The following STXBP5 variants were observed in gnomAD, a reference collection of about 807,000 sequenced individuals.
STXBP5 encodes syntaxin-binding protein 5.
Under a neutral mutation model 152.4 loss-of-function variants are expected in STXBP5, and 50 were observed. The ratio of observed to expected loss-of-function variants is 0.33; its 90% CI spans 0.26 to 0.42. The LOEUF is 0.42. Among genes scored for constraint, STXBP5 ranks in the 10% least tolerant of loss-of-function variants. STXBP5 has a pLI of 1.00. For synonymous variants in STXBP5, 492 were observed against 494.7 expected (o/e 0.99, Z 0.07); for missense variants, 1,167 against 1,388.6 (o/e 0.84, Z 2.54).
chr6:147,289,614 G>C (rs1009415188), intron 8 of STXBP5, among the ~76,000 whole-genome samples: 1 of 151,962 alleles, frequency 6.6e-6, no homozygotes, highest in Non-Finnish European at 1.5e-5. Flanking sequence ...CAAGGAAGAT[G>C]ACGTAGAAGC....
intron 2 of STXBP5, among the ~76,000 whole-genome samples, chr6:147,224,919 G>T (rs1267604366): frequency 1.3e-5 from 2 of 152,010 alleles, no homozygotes; most frequent in Admixed American, 6.6e-5. Flanking sequence ...TCACATTATG[G>T]TTAAATCTCT....
Position 147,238,151 on chromosome 6 carries a change from A to G in STXBP5, c.331-1019A>G, listed in dbSNP as rs531648732. 2.0e-5 allele frequency among the ~76,000 whole-genome samples: 3 copies of G among 152,320 alleles called. No homozygotes were observed. The South Asian group carries it at 6.2e-4, about 32-fold the overall frequency. On this transcript the variant is annotated intron_variant, in intron 3 of 27. Transcript: ENST00000321680. ...CTGAGTCTGGGTAATTTATAAAGAA[A>G]GAAATTTATTTAACTTTTGATTCTG...
At chr6:147,318,075 C>T (rs1320410228) in intron 16 of STXBP5, among the ~76,000 whole-genome samples, 2 of 152,140 alleles carry the variant, frequency 1.3e-5, no homozygotes, top group Non-Finnish European at 2.9e-5. Context: ...TTAATTTGTA[C>T]TTCATAATTT....
At chr6:147,252,444 A>C (rs1402753442) in intron 4 of STXBP5, among the ~76,000 whole-genome samples, 1 of 152,038 alleles carries the variant, frequency 6.6e-6, no homozygotes, top group Non-Finnish European at 1.5e-5. Flanking sequence ...CACAAGTATC[A>C]GTAGCCAAAT....
intron 8 of STXBP5, among the ~76,000 whole-genome samples, chr6:147,282,367 A>T (rs1412213782): frequency 6.6e-6 from 1 of 152,214 alleles, no homozygotes; most frequent in Non-Finnish European, 1.5e-5. Flanking sequence ...TCTCACTTTT[A>T]TGAGTCTCAA....
intron 27 of STXBP5, 147 bp downstream of exon 27, chr6:147,383,145 G>A (rs1305745447): frequency 1.1e-6 from 1 of 888,810 alleles, no homozygotes; most frequent in Non-Finnish European, 1.7e-6. Flanking sequence ...TTTGCCACCA[G>A]AGGGAACCAT....
At chr6:147,218,352 T>A (rs1777283243) in intron 2 of STXBP5, among the ~76,000 whole-genome samples, 1 of 125,098 alleles carries the variant, frequency 8.0e-6, no homozygotes, top group Non-Finnish European at 1.8e-5. Context: ...TTGTACATAT[T>A]TGTTAGATTT....
intron 2 of STXBP5, among the ~76,000 whole-genome samples, chr6:147,228,560 T>A (rs1346084412): frequency 6.6e-6 from 1 of 152,130 alleles, no homozygotes; most frequent in African/African-American, 2.4e-5. Context: ...ATTATTTCTT[T>A]GATACTTTCT....
intron 8 of STXBP5, among the ~76,000 whole-genome samples, chr6:147,282,875 G>C (rs1780767267): frequency 6.6e-6 from 1 of 152,098 alleles, no homozygotes; most frequent in African/African-American, 2.4e-5. Context: ...GTTTCCTAAG[G>C]AAATGGAGGT....
chr6:147,339,188 C>T lies in STXBP5; in HGVS notation c.2156C>T (p.Ser719Leu). ...RCKSPTSGSS[S>L]PHNSDDEQKM... ...GTCTTCATTTGTGTAGGTTCTTCATCACCACACAATTCAGATGATGAACAA... is the reference window on the plus strand; with the variant it reads ...GTCTTCATTTGTGTAGGTTCTTCATTACCACACAATTCAGATGATGAACAA... The change falls in exon 20 of 28, where the codon TCA becomes TTA. Residue 719 changes from serine (S) to leucine (L), a missense_variant. Ser to Leu is a moderately radical substitution (Grantham distance 145, BLOSUM62 -2). Coordinates refer to ENST00000321680, the MANE Select transcript of STXBP5 (RefSeq NM_001127715.4). The T allele has an allele frequency of 1.3e-6, 2 of 1,540,738 alleles. No individual in the cohort carries two copies. The highest frequency in any genetic ancestry group is 1.7e-6 in the Non-Finnish European group (2 of 1,143,294).
rs904136428 is a variant in STXBP5 at position 147,387,142 on chromosome 6, A to G, written c.*2387A>G. ...GAAAGCTTAAAGTATGTTTGAGTGT[A>G]GGAAATAAGCTTCTCAGAGTTATAC... On this transcript the variant is annotated 3_prime_UTR_variant, in exon 28 of 28. Coordinates refer to ENST00000321680, the MANE Select transcript of STXBP5 (RefSeq NM_001127715.4). The G allele has an allele frequency of 2.0e-5, 3 of 151,722 alleles. No homozygotes were observed. The highest frequency in any genetic ancestry group is 4.8e-5 in the African/African-American group (2 of 41,398). The allele number at this position is 151,722 out of a possible 1,614,324, so 9.4% of individuals were successfully genotyped here.
chr6:147,346,124 A>G (rs1027202681), intron 21 of STXBP5, among the ~76,000 whole-genome samples: 11 of 152,212 alleles, frequency 7.2e-5, no homozygotes, highest in Admixed American at 7.2e-4. Flanking sequence ...TTCAGTTTGA[A>G]GGTCACAATA....
At chr6:147,251,456 G>A (rs1268568353) in intron 4 of STXBP5, among the ~76,000 whole-genome samples, 1 of 152,112 alleles carries the variant, frequency 6.6e-6, no homozygotes, top group Non-Finnish European at 1.5e-5. Flanking sequence ...TCACTCCCCT[G>A]GAAAGGGGGC....
At chr6:147,293,237 A>T (rs1781364796) in intron 9 of STXBP5, 1 of 152,108 alleles carries the variant, frequency 6.6e-6, no homozygotes, top group African/African-American at 2.4e-5. Context: ...CATTCCTCAG[A>T]AGGTATCCTT....
Position 147,390,005 on chromosome 6 carries a change from T to C in STXBP5, c.*5250T>C, listed in dbSNP as rs1786517514. ...GCAAGATTAAGTTTTTCTAACATTG[T>C]CCACTTCAGGGGCAAGCATGCTTGG... On this transcript the variant is annotated 3_prime_UTR_variant, in exon 28 of 28. Coordinates refer to ENST00000321680, the MANE Select transcript of STXBP5 (RefSeq NM_001127715.4). 1 of 151,982 alleles carries C rather than the reference T, an allele frequency of 6.6e-6. No homozygotes were observed. Among genetic ancestry groups the C allele is most frequent in the African/African-American group, 2.4e-5 (1 of 41,440 alleles). The allele number at this position is 151,982 out of a possible 1,614,324, so 9.4% of individuals were successfully genotyped here. A position where few individuals can be genotyped will look rare whatever the true frequency, so the allele number is the denominator to read the frequency against.
rs78075888 is a variant in STXBP5 at position 147,360,540 on chromosome 6, A to T, written c.2545+1217A>T. Among the ~76,000 whole-genome samples the T allele has an allele frequency of 7.9e-5, 12 of 152,256 alleles. No homozygotes were observed. The East Asian group carries it at 9.7e-4, about 12-fold the overall frequency. On this transcript the variant is annotated intron_variant, in intron 23 of 27. Coordinates refer to ENST00000321680, the MANE Select transcript of STXBP5 (RefSeq NM_001127715.4). Reference sequence around the variant, plus strand: ...ATTACTATGTAAGAAAATTTTTTTTAAAAGTTACAATAATGCATTCCTAAT... The same window carrying T: ...ATTACTATGTAAGAAAATTTTTTTTTAAAGTTACAATAATGCATTCCTAAT...
At chr6:147,234,357 T>C (rs1024116498) in intron 2 of STXBP5, among the ~76,000 whole-genome samples, 1 of 151,528 alleles carries the variant, frequency 6.6e-6, no homozygotes, top group Non-Finnish European at 1.5e-5. Flanking sequence ...GTTCTACAAA[T>C]GTACAGTTTT....
intron 19 of STXBP5, among the ~76,000 whole-genome samples, chr6:147,335,397 C>T (rs1283133959): frequency 1.3e-5 from 2 of 152,102 alleles, no homozygotes; most frequent in African/African-American, 4.8e-5. Context: ...TCCCCAAAAT[C>T]GGTAAATGCA....
intron 4 of STXBP5, among the ~76,000 whole-genome samples, chr6:147,253,907 C>G (rs974881316): frequency 6.6e-6 from 1 of 152,104 alleles, no homozygotes; most frequent in Non-Finnish European, 1.5e-5. Flanking sequence ...CCCCATCGAG[C>G]TACCATTGAC....
Sources: gnomAD v4.1 joint callset for allele counts (sites outside exome capture counted in the v4.1 genomes callset) on GRCh38, gnomAD v4.1.1 for gene constraint, MANE v1.5 for transcripts, NCBI Gene and HGNC (gene_info 2026-07-23, HGNC 2026-07-21) for gene names.